The following ABCC10 variants were observed in gnomAD, a reference collection of about 807,000 sequenced individuals.
The protein encoded by ABCC10 is ATP binding cassette subfamily C member 10.
Under a neutral mutation model 143.2 loss-of-function variants are expected in ABCC10, and 110 were observed. That is an observed-to-expected ratio of 0.77 (90% CI 0.66 to 0.90). The LOEUF (loss-of-function observed/expected upper bound fraction) is 0.90. ABCC10 is among the 40% of genes least tolerant of loss of function. ABCC10 has a pLI of 0.00. For synonymous variants in ABCC10, 805 were observed against 846.7 expected, an observed-to-expected ratio of 0.95 and a Z score of 0.85; for missense variants, 1,700 against 1,900.5, an observed-to-expected ratio of 0.89 and a Z score of 1.96.
chr6:43,446,182 G>A (rs1031579668), intron 15 of ABCC10, 95 bp from the exon 16 acceptor site: 1 of 1,446,212 alleles, frequency 6.9e-7, no homozygotes, highest in Non-Finnish European at 9.4e-7. Flanking sequence ...TCCCAAGAAG[G>A]AGCTGCTCAA....
chr6:43,440,367 C>T (rs67861980), intron 8 of ABCC10, among the ~76,000 whole-genome samples: 37,355 of 152,104 alleles, frequency 0.25, 4,834 homozygotes, highest in African/African-American at 0.3. Flanking sequence ...AGGAAGCACC[C>T]GTGATCCACT....
At position 43,450,198 on chromosome 6, in the gene ABCC10, C is replaced by T. The variant is rs1403896987; in HGVS notation, c.*107C>T. 7.5e-7 allele frequency: 1 copy of T among 1,339,442 alleles called. No homozygotes were observed. The highest frequency in any genetic ancestry group is 2.4e-5 in the East Asian group (1 of 42,198). 83.0% of individuals were successfully genotyped at this position (1,339,442 alleles called of 1,614,324 possible). On this transcript the variant is annotated 3_prime_UTR_variant, in exon 22 of 22. Coordinates refer to ENST00000372530, the MANE Select transcript of ABCC10 (RefSeq NM_001198934.2). The surrounding 1 kb of genome is among the most constrained non-coding windows in gnomAD (Gnocchi z 4.5). ...ATTCTCCTCTGGGGCTCTACCTCTC[C>T]ACACTTCCCCAGAAGGGAAAAGGGC... is the stretch of plus-strand genomic sequence containing the variant.
At chr6:43,446,495 C>A (rs766299474) in intron 16 of ABCC10, 49 bp downstream of exon 16, 2 of 1,576,788 alleles carry the variant, frequency 1.3e-6, no homozygotes, top group East Asian at 4.5e-5. Context: ...GTTAGTCCAC[C>A]GCTCTCCCAG....
At position 43,445,585 on chromosome 6, in the gene ABCC10, C is replaced by T. The variant is rs775490394; in HGVS notation, c.3031-14C>T. On this transcript the variant is annotated splice_polypyrimidine_tract_variant and intron_variant, in intron 14 of 21. Coordinates refer to ENST00000372530, the MANE Select transcript of ABCC10 (RefSeq NM_001198934.2). ...CCAGACTCTGCCCTGGCCCAATCAG[C>T]GTCCTTCTCCCAGGCACCAGTGACT... 5.0e-6 allele frequency: 8 copies of T among 1,605,236 alleles called. No individual in the cohort carries two copies. The highest frequency in any genetic ancestry group is 2.2e-5 in the East Asian group (1 of 44,734).
chr6:43,427,848 G>A, intron 1 of ABCC10, 91 bp downstream of exon 1: 1 of 1,159,944 alleles, frequency 8.6e-7, no homozygotes, highest in Non-Finnish European at 1.3e-6. Context: ...TGGCTTCGGG[G>A]CGGAAGCGAC....
rs1332134651 is a variant in ABCC10, at chr6:43,444,879, C to T, written c.2781C>T (p.Ser927=). 1 of 1,614,042 alleles carries T rather than the reference C, an allele frequency of 6.2e-7. No homozygotes were observed. The highest frequency in any genetic ancestry group is 1.3e-5 in the African/African-American group (1 of 75,042). Residue 927 remains serine, a synonymous_variant, in exon 13 of 22, where the codon AGC becomes AGT. Coordinates refer to ENST00000372530, the MANE Select transcript of ABCC10 (RefSeq NM_001198934.2). ...NSSQEAQPST[S]PASMGLFSPQ... is the part of the protein sequence containing the mutation. ...CCCAGGAGGCGCAACCCTCCACCAG[C>T]CCAGCTTCTATGGGGCTCTTCTCTC...
intron 2 of ABCC10, among the ~76,000 whole-genome samples, chr6:43,431,120 T>C (rs1357159192): frequency 6.6e-6 from 1 of 152,230 alleles, no homozygotes. Flanking sequence ...AAGAGATATT[T>C]TTCTTTAGCT....
intron 2 of ABCC10, among the ~76,000 whole-genome samples, chr6:43,430,304 T>C (rs1164954553): frequency 6.6e-6 from 1 of 152,082 alleles, no homozygotes; most frequent in Non-Finnish European, 1.5e-5. Context: ...TTACACAGGC[T>C]GGTCTTGAAC....
At chr6:43,436,474 C>T (rs1483639828) in intron 6 of ABCC10, among the ~76,000 whole-genome samples, 1 of 152,148 alleles carries the variant, frequency 6.6e-6, no homozygotes, top group African/African-American at 2.4e-5. Flanking sequence ...AGCTTGTATC[C>T]ATCCAGTCCA....
chr6:43,443,729 C>A lies in ABCC10; in HGVS notation c.2417-204C>A. ...AAGGTTTACAAGGATGGACTTGAGT[C>A]CTGCTCGAGGTCTAGGGGTATCCAG... On this transcript the variant is annotated intron_variant, in intron 10 of 21. Coordinates refer to ENST00000372530, the MANE Select transcript of ABCC10 (RefSeq NM_001198934.2). This position sits in a 1 kb window ranked among gnomAD's most constrained non-coding sequence, Gnocchi z 4.2. The A allele has an allele frequency of 1.8e-6, 1 of 560,832 alleles. No homozygotes were observed. Among genetic ancestry groups the A allele is most frequent in the East Asian group, 3.0e-5 (1 of 33,886 alleles). The allele number at this position is 560,832 out of a possible 1,614,324, so 34.7% of individuals were successfully genotyped here. A position where few individuals can be genotyped will look rare whatever the true frequency, so the allele number is the denominator to read the frequency against.
At position 43,427,933 on chromosome 6, in the gene ABCC10, C is replaced by A. The variant is rs575147150; in HGVS notation, c.-11-35C>A. ...GAAGTGCAGGCAAAGCCGGCTGTTA[C>A]CCTGCACAGCCGTCACCCTCAACTT... is the stretch of plus-strand genomic sequence containing the variant. On this transcript the variant is annotated intron_variant, in intron 1 of 21. Coordinates refer to ENST00000372530, the MANE Select transcript of ABCC10 (RefSeq NM_001198934.2). 1,667 of 1,607,220 alleles carry A rather than the reference C, an allele frequency of 1.0e-3. 15 individuals are homozygous for A. The African/African-American group carries it at 0.019, about 19-fold the overall frequency.
chr6:43,445,562 A>G, intron 14 of ABCC10, 37 bp from the exon 15 acceptor site: 1 of 1,576,172 alleles, frequency 6.3e-7, no homozygotes, highest in Non-Finnish European at 8.7e-7. Context: ...CTCTTCTGCC[A>G]GACTCTGCCC....
chr6:43,444,482 C>A, intron 12 of ABCC10, 129 bp downstream of exon 12: 1 of 1,233,518 alleles, frequency 8.1e-7, no homozygotes, highest in Non-Finnish European at 1.1e-6. Flanking sequence ...AAAAGCCATA[C>A]TCCTAATTCT....
chr6:43,450,597 G>A (rs769890654), downstream of ABCC10: 7 of 1,596,808 alleles, frequency 4.4e-6, no homozygotes, highest in African/African-American at 1.3e-5. The surrounding 1 kb of genome is among the most constrained non-coding windows in gnomAD (Gnocchi z 4.5). Context: ...GGGGAGCCCT[G>A]CTGGCAGCAT....
chr6:43,428,205 C>T, intron 2 of ABCC10, 66 bp downstream of exon 2: 2 of 1,437,270 alleles, frequency 1.4e-6, no homozygotes, highest in Non-Finnish European at 9.2e-7. Context: ...CGGCCTACAT[C>T]TTCCGGCAGT....
chr6:43,430,120 T>C (rs1265141606), intron 2 of ABCC10, among the ~76,000 whole-genome samples: 1 of 150,682 alleles, frequency 6.6e-6, no homozygotes, highest in African/African-American at 2.4e-5. Flanking sequence ...AGACAGGGTC[T>C]TACTCTGTCA....
In ABCC10 at chr6:43,442,981, C is replaced by G. The variant is rs374020653; in HGVS notation, c.2238C>G (p.Leu746=). 2.4e-5 allele frequency: 39 copies of G among 1,592,802 alleles called. No individual in the cohort carries two copies. Among genetic ancestry groups the G allele is most frequent in the Non-Finnish European group, 3.3e-5 (39 of 1,169,762 alleles). The part of the protein sequence containing the change: ...LARAVYQEKE[L]YLLDDPLAAV... ...TCACGTCTCCATAGGAAAAGGAGCT[C>G]TATCTCCTCGATGACCCTCTGGCCG... The change falls in exon 10 of 22, where the codon CTC becomes CTG. Residue 746 remains leucine (L), a synonymous_variant. Coordinates refer to ENST00000372530, the MANE Select transcript of ABCC10 (RefSeq NM_001198934.2).
chr6:43,443,968 G>C lies in ABCC10; in HGVS notation c.2452G>C (p.Val818Leu). ...PSEILPLVQAVPKAWAENGQE... is the reference protein window; with the variant it reads ...PSEILPLVQALPKAWAENGQE... ...TGAGATTCTGCCACTGGTACAAGCT[G>C]TCCCCAAAGCCTGGGCTGAGAATGG... is the stretch of plus-strand genomic sequence containing the variant. The change falls in exon 11 of 22, where the codon GTC (valine) becomes CTC (leucine). Residue 818 changes from valine (V) to leucine (L), a missense_variant. Physicochemically the swap from Val to Leu is conservative, Grantham distance 32. Coordinates refer to ENST00000372530, the MANE Select transcript of ABCC10 (RefSeq NM_001198934.2). This position sits in a 1 kb window ranked among gnomAD's most constrained non-coding sequence, Gnocchi z 4.2. The C allele has an allele frequency of 1.2e-6, 2 of 1,614,202 alleles. No homozygotes were observed. The highest frequency in any genetic ancestry group is 2.2e-5 in the South Asian group (2 of 91,092).
chr6:43,448,884 C>G lies in ABCC10; in HGVS notation c.3963C>G (p.Ser1321=), dbSNP rs148434336. The G allele has an allele frequency of 2.5e-6, 4 of 1,610,600 alleles. No individual in the cohort carries two copies. Among genetic ancestry groups the G allele is most frequent in the African/African-American group, 2.7e-5 (2 of 74,746 alleles). ...TSQLELAQLR[S]QLAIIPQEPF... ...ACTCCATGTCATTGTCCCCCAGATC[C>G]CAGTTGGCTATCATCCCCCAGGAGC... Residue 1321 remains serine (S), a synonymous_variant, in exon 19 of 22, where the codon TCC becomes TCG. Coordinates refer to ENST00000372530, the MANE Select transcript of ABCC10 (RefSeq NM_001198934.2).
Sources: allele counts gnomAD v4.1 joint callset (sites outside exome capture counted in the v4.1 genomes callset), GRCh38; gene constraint gnomAD v4.1.1; non-coding constraint Gnocchi (gnomAD v3.1); transcripts MANE v1.5; gene names NCBI Gene and HGNC (gene_info 2026-07-23, HGNC 2026-07-21).